Variants in CSMD2 observed in about 807,000 individuals in gnomAD.
CSMD2 encodes the protein CUB and sushi domain-containing protein 2.
In CSMD2, 130 loss-of-function variants were observed where a neutral mutation model predicts 398.5. The ratio of observed to expected loss-of-function variants is 0.33; its 90% CI spans 0.28 to 0.38. CSMD2 has a LOEUF of 0.38. Among genes scored for constraint, CSMD2 ranks in the 10% least tolerant of loss-of-function variants. CSMD2 has a pLI of 1.00. For synonymous variants in CSMD2, 1,828 were observed against 1,908.5 expected, an observed-to-expected ratio of 0.96 and a Z score of 1.10; for missense variants, 3,829 against 4,764.9, an observed-to-expected ratio of 0.80 and a Z score of 5.78.
chr1:33,568,189 C>CTTTTTTTTTTT (rs370507143), intron 52 of CSMD2, among the ~76,000 whole-genome samples: 1 of 141,336 alleles, frequency 7.1e-6, no homozygotes, highest in Non-Finnish European at 1.5e-5. Context: ...TCAGGAGCAT[C>CTTTTTTTTTTT]TTTTTTTTTT....
At chr1:33,669,486 G>C (rs1402762227) in intron 25 of CSMD2, among the ~76,000 whole-genome samples, 1 of 152,078 alleles carries the variant, frequency 6.6e-6, no homozygotes, top group Non-Finnish European at 1.5e-5. Context: ...ACTTCCGAGG[G>C]GACACACCAA....
chr1:33,778,785 G>A (rs1392152664), intron 12 of CSMD2, among the ~76,000 whole-genome samples: 3 of 152,190 alleles, frequency 2.0e-5, no homozygotes, highest in African/African-American at 7.2e-5. Context: ...CTGACCACAT[G>A]ACTTGGGTGA....
intron 43 of CSMD2, 105 bp from the exon 44 acceptor site, chr1:33,601,115 G>T: frequency 6.9e-7 from 1 of 1,446,722 alleles, no homozygotes; most frequent in South Asian, 1.3e-5. Flanking sequence ...GGGAGGCTAT[G>T]ATTCTTTTTG....
chr1:33,605,476 A>G lies in CSMD2; in HGVS notation c.6344-6T>C. On this transcript the variant is annotated splice_polypyrimidine_tract_variant and splice_region_variant and intron_variant, in intron 41 of 70. Coordinates refer to ENST00000373381, the MANE Select transcript of CSMD2 (RefSeq NM_001281956.2). ...GCACTCTTGAAGTTCATAGGCTGGA[A>G]AAGATCCGGAGAAAAGGTCACTTTA... The G allele has an allele frequency of 6.2e-7, 1 of 1,614,018 alleles. No individual in the cohort carries two copies.
At chr1:33,864,400 G>C (rs769598918) in intron 5 of CSMD2, 33 of 1,614,068 alleles carry the variant, frequency 2.0e-5, no homozygotes, top group Non-Finnish European at 2.7e-5. Context: ...GACAAAGCCC[G>C]ATACCAGGAA....
intron 3 of CSMD2, among the ~76,000 whole-genome samples, chr1:34,009,283 G>A (rs1225743207): frequency 3.3e-5 from 5 of 151,596 alleles, no homozygotes; most frequent in South Asian, 4.2e-4. Context: ...CCTATAAGAG[G>A]TGACCAGACA....
chr1:33,869,428 TGGGTG>T (rs1640289037), intron 5 of CSMD2: 1 of 152,120 alleles, frequency 6.6e-6, no homozygotes, highest in Non-Finnish European at 1.5e-5. Context: ...ATGGAGGAAA[TGGGTG>T]GGCACGGGTG....
chr1:33,800,419 T>C (rs1216064112), intron 10 of CSMD2, among the ~76,000 whole-genome samples: 2 of 152,164 alleles, frequency 1.3e-5, no homozygotes, highest in East Asian at 3.9e-4. Context: ...TGAGGTTTCA[T>C]TTTGGTGGTT....
rs566058170 is a variant in CSMD2, at chr1:34,081,189, A to T, written c.404+7788T>A. Among the ~76,000 whole-genome samples the T allele has an allele frequency of 8.5e-5, 13 of 152,264 alleles. No homozygotes were observed. In the South Asian group the frequency reaches 1.7e-3, roughly 19 times the overall value. ...AGTAGATTAAAAATCATGCAAGAAC[A>T]TTAAAAAAAAATTCACAAAGACCCA... On this transcript the variant is annotated intron_variant, in intron 2 of 70. Coordinates refer to ENST00000373381, the MANE Select transcript of CSMD2 (RefSeq NM_001281956.2).
At chr1:33,579,987 A>C (rs1170504761) in intron 48 of CSMD2, among the ~76,000 whole-genome samples, 1 of 152,088 alleles carries the variant, frequency 6.6e-6, no homozygotes, top group African/African-American at 2.4e-5. Flanking sequence ...CCCCCAACCA[A>C]TATTCTTTAG....
At chr1:33,969,233 G>A (rs1284301161) in intron 3 of CSMD2, among the ~76,000 whole-genome samples, 2 of 152,198 alleles carry the variant, frequency 1.3e-5, no homozygotes, top group East Asian at 1.9e-4. Flanking sequence ...TTCAAAGACA[G>A]TGTGAAAGGA....
At chr1:33,904,946 G>A (rs998304135) in intron 5 of CSMD2, among the ~76,000 whole-genome samples, 12 of 151,822 alleles carry the variant, frequency 7.9e-5, no homozygotes, top group South Asian at 2.1e-4. Context: ...GTGTCCAGCC[G>A]ATAGGTTTTA....
chr1:33,698,537 C>T (rs1003978563), intron 24 of CSMD2, among the ~76,000 whole-genome samples: 6 of 152,196 alleles, frequency 3.9e-5, no homozygotes, highest in African/African-American at 9.7e-5. Flanking sequence ...GCAAGCCACC[C>T]GCCTGACTGC....
At chr1:33,907,405 G>A (rs1558084643) in intron 5 of CSMD2, among the ~76,000 whole-genome samples, 1 of 152,082 alleles carries the variant, frequency 6.6e-6, no homozygotes, top group East Asian at 1.9e-4. Context: ...GGGATTACAG[G>A]TGAGAGCCAC....
intron 5 of CSMD2, among the ~76,000 whole-genome samples, chr1:33,850,684 T>G (rs1638642617): frequency 6.6e-6 from 1 of 152,196 alleles, no homozygotes; most frequent in African/African-American, 2.4e-5. Flanking sequence ...GCTTGGGGAA[T>G]TCCAAGTTCA....
At chr1:33,765,252 A>T (rs1356831349) in intron 13 of CSMD2, among the ~76,000 whole-genome samples, 1 of 152,242 alleles carries the variant, frequency 6.6e-6, no homozygotes, top group African/African-American at 2.4e-5. Flanking sequence ...GATGAGAATA[A>T]CAATGAATAT....
chr1:33,832,332 C>T (rs1659680390), intron 6 of CSMD2, among the ~76,000 whole-genome samples: 1 of 151,680 alleles, frequency 6.6e-6, no homozygotes, highest in Admixed American at 6.6e-5. Context: ...ACAGTGCAAT[C>T]AAACTAGAAC....
At position 34,123,408 on chromosome 1, in the gene CSMD2, C is replaced by A. The variant is rs549721254; in HGVS notation, c.188-34215G>T. Reference sequence around the variant, plus strand: ...CCCTCCCCCTACACCTTGCCCTACACACCTCTTCATCTAACGTTCATCTGT... The same window carrying A: ...CCCTCCCCCTACACCTTGCCCTACAAACCTCTTCATCTAACGTTCATCTGT... On this transcript the variant is annotated intron_variant, in intron 1 of 70. Coordinates refer to ENST00000373381, the MANE Select transcript of CSMD2 (RefSeq NM_001281956.2). 8.3e-4 allele frequency among the ~76,000 whole-genome samples: 127 copies of A among 152,340 alleles called. No individual in the cohort carries two copies. The South Asian group carries it at 0.013, about 16-fold the overall frequency.
chr1:33,740,833 G>A (rs975702401), intron 14 of CSMD2, among the ~76,000 whole-genome samples: 13 of 152,076 alleles, frequency 8.5e-5, no homozygotes, highest in South Asian at 4.1e-4. Context: ...ACACGCGCGC[G>A]CGTGCATGCG....
Sources: gnomAD v4.1 joint callset for allele counts (sites outside exome capture counted in the v4.1 genomes callset) on GRCh38, gnomAD v4.1.1 for gene constraint, MANE v1.5 for transcripts, NCBI Gene and HGNC (gene_info 2026-07-23, HGNC 2026-07-21) for gene names.